The following FAM20B variants were observed in gnomAD, a reference collection of about 807,000 sequenced individuals.
FAM20B encodes FAM20B glycosaminoglycan xylosylkinase.
Under a neutral mutation model 43.8 loss-of-function variants are expected in FAM20B, and 23 were observed. That is an observed-to-expected ratio of 0.53 (90% CI 0.38 to 0.74). FAM20B has a LOEUF of 0.74. Among genes scored for constraint, FAM20B ranks in the 30% least tolerant of loss-of-function variants. FAM20B has a pLI of 0.00. For missense variants in FAM20B, 440 were observed against 510.5 expected, an observed-to-expected ratio of 0.86 and a Z score of 1.33; for synonymous variants, 178 against 192.4, an observed-to-expected ratio of 0.93 and a Z score of 0.62.
At chr1:179,030,249 A>G (rs950416424) in intron 1 of FAM20B, among the ~76,000 whole-genome samples, 1 of 151,732 alleles carries the variant, frequency 6.6e-6, no homozygotes, top group Non-Finnish European at 1.5e-5. Flanking sequence ...TCGTTGGTGT[A>G]GATAGTGAAC....
upstream of FAM20B, among the ~76,000 whole-genome samples, chr1:179,025,343 G>A (rs1649707980): frequency 6.6e-6 from 1 of 152,214 alleles, no homozygotes; most frequent in South Asian, 2.1e-4. Context: ...AGGACGCTCC[G>A]CTCTGGTCCG....
At chr1:179,069,289 G>A (rs1032189771) in intron 7 of FAM20B, among the ~76,000 whole-genome samples, 2 of 152,124 alleles carry the variant, frequency 1.3e-5, no homozygotes, top group Admixed American at 1.3e-4. Flanking sequence ...TCCCCTTTGC[G>A]CCCTCTAGTG....
chr1:179,044,454 T>C (rs1650682370), intron 2 of FAM20B, among the ~76,000 whole-genome samples: 1 of 152,234 alleles, frequency 6.6e-6, no homozygotes, highest in Non-Finnish European at 1.5e-5. Context: ...TACTCATTTT[T>C]CCCTCTCTGC....
At chr1:179,068,593 A>G (rs773755799) in intron 7 of FAM20B, among the ~76,000 whole-genome samples, 48 of 151,916 alleles carry the variant, frequency 3.2e-4, no homozygotes, top group Non-Finnish European at 5.9e-4. Context: ...CCCTCACTGC[A>G]TCTGGTTAAT....
chr1:179,056,725 G>A (rs927434371), intron 4 of FAM20B, among the ~76,000 whole-genome samples: 46 of 152,204 alleles, frequency 3.0e-4, no homozygotes, highest in African/African-American at 1.1e-3. Context: ...GTCTTCCAAA[G>A]TGGCTGTACC....
Position 179,043,805 on chromosome 1 carries a change from A to G in FAM20B, c.-43A>G, listed in dbSNP as rs1650642908. 6.5e-7 allele frequency: 1 copy of G among 1,544,410 alleles called. No homozygotes were observed. The highest frequency in any genetic ancestry group is 2.3e-5 in the East Asian group (1 of 44,190). ...ACCATCACCACCAGCTCTCCTTAAT[A>G]CATGAGCAAGAGTGGGTCAGGGGAG... On this transcript the variant is annotated 5_prime_UTR_variant, in exon 2 of 8. It adds an upstream start codon to the 5' untranslated region. Coordinates refer to ENST00000263733, the MANE Select transcript of FAM20B (RefSeq NM_014864.4).
At chr1:179,063,565 A>T (rs1651564007) in intron 4 of FAM20B, among the ~76,000 whole-genome samples, 1 of 152,172 alleles carries the variant, frequency 6.6e-6, no homozygotes, top group Non-Finnish European at 1.5e-5. Context: ...TCCAGCTTGG[A>T]TGACAAAGCC....
At chr1:179,041,419 C>T (rs574730583) in intron 1 of FAM20B, among the ~76,000 whole-genome samples, 2 of 152,032 alleles carry the variant, frequency 1.3e-5, no homozygotes, top group African/African-American at 4.8e-5. Context: ...GTCTGGAGGC[C>T]GAGGCTGGCG....
chr1:179,045,104 T>C (rs1188008550), intron 2 of FAM20B, among the ~76,000 whole-genome samples: 1 of 152,244 alleles, frequency 6.6e-6, no homozygotes, highest in Non-Finnish European at 1.5e-5. Flanking sequence ...TTCCTAGGGA[T>C]CTACAGAGAT....
At chr1:179,061,372 C>T (rs1200300856) in intron 4 of FAM20B, among the ~76,000 whole-genome samples, 1 of 150,100 alleles carries the variant, frequency 6.7e-6, no homozygotes, top group African/African-American at 2.5e-5. Flanking sequence ...TTTTGAAATG[C>T]TCTCTCTCAG....
chr1:179,041,261 G>T (rs982489074), intron 1 of FAM20B, among the ~76,000 whole-genome samples: 2 of 152,228 alleles, frequency 1.3e-5, no homozygotes, highest in Non-Finnish European at 1.5e-5. Context: ...GGTGGCGGCC[G>T]AGCAGAGGCT....
chr1:179,072,364 C>T lies in FAM20B; in HGVS notation c.*220C>T, dbSNP rs572617595. 1.3e-4 allele frequency: 71 copies of T among 550,206 alleles called. 2 individuals are homozygous for T. The South Asian group carries it at 1.5e-3, about 12-fold the overall frequency. 34.1% of individuals were successfully genotyped at this position (550,206 alleles called of 1,614,324 possible). ...TTCCTGCTGAATCGCCTTCTCACCT[C>T]CTCGGCAATTGCTCATTCTAGGGTT... On this transcript the variant is annotated 3_prime_UTR_variant, in exon 8 of 8. Coordinates refer to ENST00000263733, the MANE Select transcript of FAM20B (RefSeq NM_014864.4).
At chr1:179,041,527 G>A (rs947663776) in intron 1 of FAM20B, among the ~76,000 whole-genome samples, 5 of 152,252 alleles carry the variant, frequency 3.3e-5, no homozygotes, top group Non-Finnish European at 5.9e-5. Flanking sequence ...GTGGCAGGCT[G>A]AGGCAGGAGA....
rs2102535736 is a variant in FAM20B at position 179,075,970 on chromosome 1, A to G, written c.*3826A>G. 1 of 152,286 alleles carries G rather than the reference A, an allele frequency of 6.6e-6. No homozygotes were observed. Among genetic ancestry groups the G allele is most frequent in the Non-Finnish European group, 1.5e-5 (1 of 68,024 alleles). The allele number at this position is 152,286 out of a possible 1,614,324, so 9.4% of individuals were successfully genotyped here. A position where few individuals can be genotyped will look rare whatever the true frequency, so the allele number is the denominator to read the frequency against. On this transcript the variant is annotated 3_prime_UTR_variant, in exon 8 of 8. Transcript: ENST00000263733. ...AGGAAACATGAGTAAAAGTATATGT[A>G]ATGTATATAGTCGTATATGTATTCT...
At chr1:179,035,274 T>C in intron 1 of FAM20B, 1 of 595,578 alleles carries the variant, frequency 1.7e-6, no homozygotes, top group Non-Finnish European at 3.1e-6. Context: ...CTCCAGAGAA[T>C]GGTCTGTCTT....
chr1:179,027,318 A>T (rs1649829523), intron 1 of FAM20B, among the ~76,000 whole-genome samples: 1 of 152,238 alleles, frequency 6.6e-6, no homozygotes, highest in Admixed American at 6.5e-5. Context: ...GTTCTTATGT[A>T]TTACAAACAT....
At chr1:179,051,568 A>C (rs993147802) in intron 3 of FAM20B, among the ~76,000 whole-genome samples, 8 of 152,272 alleles carry the variant, frequency 5.3e-5, no homozygotes, top group Admixed American at 5.2e-4. Flanking sequence ...TCGAGGCTGC[A>C]GTGAGCTGTG....
At chr1:179,038,846 CAA>C (rs2102490648) in intron 1 of FAM20B, among the ~76,000 whole-genome samples, 1 of 152,244 alleles carries the variant, frequency 6.6e-6, no homozygotes, top group South Asian at 2.1e-4. Context: ...GATGATGAAA[CAA>C]AACAGGTGGC....
the FAM20B span, among the ~76,000 whole-genome samples, chr1:179,018,900 G>A: frequency 1.3e-5 from 2 of 152,190 alleles, no homozygotes; most frequent in Non-Finnish European, 2.9e-5. Context: ...AAAGCTGGTC[G>A]TATAACCTGA....
Sources: gnomAD v4.1 joint callset for allele counts (sites outside exome capture counted in the v4.1 genomes callset) on GRCh38, gnomAD v4.1.1 for gene constraint, MANE v1.5 for transcripts, NCBI Gene and HGNC (gene_info 2026-07-23, HGNC 2026-07-21) for gene names.